IQGAP1: variants seen among roughly 807,000 people sequenced by gnomAD.
IQGAP1 encodes ras GTPase-activating-like protein IQGAP1.
In IQGAP1, 66 loss-of-function variants were observed where a neutral mutation model predicts 215.6. That is an observed-to-expected ratio of 0.31 (90% confidence interval 0.25 to 0.38). The LOEUF (loss-of-function observed/expected upper bound fraction) is 0.38. IQGAP1 is among the 10% of genes least tolerant of loss of function. The pLI, the probability that IQGAP1 is intolerant of heterozygous loss-of-function variation, is 1.00. For synonymous variants in IQGAP1, 772 were observed against 728.7 expected (o/e 1.06, Z -0.96); for missense variants, 1,712 against 1,997.1 (o/e 0.86, Z 2.72).
At chr15:90,418,664 TTC>T (rs1301305957) in intron 2 of IQGAP1, among the ~76,000 whole-genome samples, 2 of 152,226 alleles carry the variant, frequency 1.3e-5, no homozygotes, top group Non-Finnish European at 2.9e-5. Flanking sequence ...TTGTATCAGC[TTC>T]ACCAATGTGT....
At chr15:90,495,945 T>G (rs1257062730) in intron 36 of IQGAP1, among the ~76,000 whole-genome samples, 1 of 149,756 alleles carries the variant, frequency 6.7e-6, no homozygotes, top group Non-Finnish European at 1.5e-5. Flanking sequence ...TTATTATTAT[T>G]ATTATTTATT....
intron 15 of IQGAP1, among the ~76,000 whole-genome samples, chr15:90,457,595 ATTTTTT>A (rs34550575): frequency 6.9e-5 from 9 of 131,374 alleles, no homozygotes; most frequent in Admixed American, 6.2e-4. Flanking sequence ...CCTGGCTAAA[ATTTTTT>A]TTTTTTTTTT....
At chr15:90,466,228 A>G in intron 16 of IQGAP1, 41 bp from the exon 17 acceptor site, 2 of 1,604,506 alleles carry the variant, frequency 1.2e-6, no homozygotes, top group Non-Finnish European at 1.7e-6. Context: ...GAATTTAGAC[A>G]CTCTCTAAAC....
chr15:90,431,299 T>C (rs1567124031), intron 4 of IQGAP1: 1 of 152,012 alleles, frequency 6.6e-6, no homozygotes, highest in Non-Finnish European at 1.5e-5. Flanking sequence ...ATGCAGTACG[T>C]CAAGTTCTTA....
intron 2 of IQGAP1, among the ~76,000 whole-genome samples, chr15:90,419,321 T>A (rs1965100125): frequency 6.6e-6 from 1 of 152,184 alleles, no homozygotes; most frequent in Non-Finnish European, 1.5e-5. Context: ...GCATGTAAAG[T>A]ATTTGGCTTC....
At chr15:90,444,917 G>A (rs923560081) in intron 9 of IQGAP1, among the ~76,000 whole-genome samples, 2 of 152,164 alleles carry the variant, frequency 1.3e-5, no homozygotes, top group South Asian at 4.1e-4. Flanking sequence ...CTGAGCTTAG[G>A]TTTGAGACCA....
At chr15:90,490,288 T>G (rs139870420) in intron 33 of IQGAP1, among the ~76,000 whole-genome samples, 107 of 152,130 alleles carry the variant, frequency 7.0e-4, no homozygotes, top group Non-Finnish European at 1.0e-3. Context: ...AAACCATGCA[T>G]AGAGCAAGAA....
At chr15:90,388,859 G>A (rs1010674798) in intron 1 of IQGAP1, among the ~76,000 whole-genome samples, 1 of 152,192 alleles carries the variant, frequency 6.6e-6, no homozygotes, top group Non-Finnish European at 1.5e-5. Flanking sequence ...TCCCAGGCTA[G>A]CTACGAGGTG....
chr15:90,395,194 G>A (rs921834749), intron 2 of IQGAP1, among the ~76,000 whole-genome samples: 1 of 152,044 alleles, frequency 6.6e-6, no homozygotes, highest in Non-Finnish European at 1.5e-5. Flanking sequence ...TTTTGCTAAG[G>A]GCTGCACAAT....
chr15:90,460,885 G>C (rs1274744629), intron 15 of IQGAP1, among the ~76,000 whole-genome samples: 5 of 151,734 alleles, frequency 3.3e-5, no homozygotes, highest in Non-Finnish European at 7.4e-5. Flanking sequence ...TGTGGTCCCA[G>C]GCACTTGGGA....
At chr15:90,429,001 C>A (rs1478492662) in intron 3 of IQGAP1, among the ~76,000 whole-genome samples, 1 of 152,006 alleles carries the variant, frequency 6.6e-6, no homozygotes, top group East Asian at 1.9e-4. Context: ...TACAGGTGTG[C>A]ACCACCACAC....
intron 2 of IQGAP1, among the ~76,000 whole-genome samples, chr15:90,405,131 T>C (rs1240394838): frequency 6.6e-6 from 1 of 152,206 alleles, no homozygotes; most frequent in African/African-American, 2.4e-5. Context: ...TCCTGCTTTT[T>C]TGACTTTTGA....
intron 15 of IQGAP1, 135 bp downstream of exon 15, chr15:90,456,450 G>A: frequency 1.3e-6 from 1 of 777,530 alleles, no homozygotes; most frequent in Non-Finnish European, 2.0e-6. Context: ...GCACTGGAGG[G>A]ACACAAAAAT....
chr15:90,437,389 G>T (rs1310098241), intron 5 of IQGAP1, among the ~76,000 whole-genome samples: 5 of 152,022 alleles, frequency 3.3e-5, no homozygotes, highest in Admixed American at 6.6e-5. Context: ...TTTCTTGTTC[G>T]CTATTTCCAA....
chr15:90,403,911 G>C (rs1304459472), intron 2 of IQGAP1, among the ~76,000 whole-genome samples: 1 of 152,166 alleles, frequency 6.6e-6, no homozygotes, highest in African/African-American at 2.4e-5. Flanking sequence ...CTGACCTTAG[G>C]TTATCTGCCC....
chr15:90,475,915 A>G (rs1293709165), intron 23 of IQGAP1, among the ~76,000 whole-genome samples: 2 of 152,026 alleles, frequency 1.3e-5, no homozygotes, highest in Admixed American at 6.6e-5. Context: ...CTCTTTCCCT[A>G]TGATAAGTAG....
chr15:90,487,192 T>A, intron 32 of IQGAP1, 103 bp downstream of exon 32: 1 of 1,119,602 alleles, frequency 8.9e-7, no homozygotes, highest in Non-Finnish European at 1.3e-6. Context: ...CATCCTGACC[T>A]CTCGTACTTG....
Position 90,456,299 on chromosome 15 carries a change from A to G in IQGAP1, c.1760A>G (p.Lys587Arg). Residue 587 changes from lysine to arginine, a missense_variant, in exon 15 of 38, where the codon AAG becomes AGG. Transcript: ENST00000268182. ...QHYQDTLIRA[K>R]REKAQEIQDE... Reference sequence around the variant, plus strand: ...TACCAAGACACGCTGATTAGAGCGAAGAGAGAGAAAGCCCAGGTGAGTGGC... The same window carrying G: ...TACCAAGACACGCTGATTAGAGCGAGGAGAGAGAAAGCCCAGGTGAGTGGC... 1 of 1,614,018 alleles carries G rather than the reference A, an allele frequency of 6.2e-7. No individual in the cohort carries two copies. Among genetic ancestry groups the G allele is most frequent in the Non-Finnish European group, 8.5e-7 (1 of 1,179,932 alleles).
At position 90,486,110 on chromosome 15, in the gene IQGAP1, GC is replaced by G. The variant is rs1966122952; in HGVS notation, c.4005del (p.Thr1336ProfsTer5). The G allele has an allele frequency of 6.2e-7, 1 of 1,613,388 alleles. No homozygotes were observed. The highest frequency in any genetic ancestry group is 8.5e-7 in the Non-Finnish European group (1 of 1,179,654). On this transcript the variant is annotated frameshift_variant, in exon 31 of 38. Coordinates refer to ENST00000268182, the MANE Select transcript of IQGAP1 (RefSeq NM_003870.4). LOFTEE classifies it high-confidence loss of function. ...HELLDDLGEV[P>X]TIESLIGESS... ...AACTGCTGGACGACCTCGGCGAGGT[GC>G]CCACCATCGAGTCCCTGATAGGTAG...
Sources: gnomAD v4.1 joint callset for allele counts (sites outside exome capture counted in the v4.1 genomes callset) on GRCh38, gnomAD v4.1.1 for gene constraint, MANE v1.5 for transcripts, NCBI Gene and HGNC (gene_info 2026-07-23, HGNC 2026-07-21) for gene names.